The following HS6ST3 variants were observed in gnomAD, a reference collection of about 807,000 sequenced individuals.
HS6ST3 encodes heparan sulfate 6-O-sulfotransferase 3.
HS6ST3 carries 12 observed loss-of-function variants against 36.7 expected under a neutral mutation model. That is an observed-to-expected ratio of 0.33 (90% CI 0.21 to 0.53). The LOEUF (loss-of-function observed/expected upper bound fraction) is 0.53, where lower values mean the gene tolerates loss of function less well. Among genes scored for constraint, HS6ST3 ranks in the 20% least tolerant of loss-of-function variants. The pLI, the probability that HS6ST3 is intolerant of heterozygous loss-of-function variation, is 0.95. For missense variants in HS6ST3, 584 were observed against 640.9 expected (o/e 0.91, Z 0.96); for synonymous variants, 240 against 257.5 (o/e 0.93, Z 0.65).
intron 1 of HS6ST3, among the ~76,000 whole-genome samples, chr13:96,811,435 A>G (rs1448533884): frequency 6.6e-6 from 1 of 152,214 alleles, no homozygotes; most frequent in African/African-American, 2.4e-5. Flanking sequence ...GAATGTCTTG[A>G]GCTCTATGTA....
intron 1 of HS6ST3, among the ~76,000 whole-genome samples, chr13:96,257,715 T>G (rs1365173566): frequency 6.6e-6 from 1 of 152,172 alleles, no homozygotes; most frequent in Non-Finnish European, 1.5e-5. Flanking sequence ...TATAATCAGG[T>G]ACTGATGACA....
intron 1 of HS6ST3, among the ~76,000 whole-genome samples, chr13:96,307,299 T>A (rs2054918513): frequency 6.6e-6 from 1 of 152,114 alleles, no homozygotes; most frequent in African/African-American, 2.4e-5. Context: ...GCATAACATA[T>A]CCTCGAAACA....
intron 1 of HS6ST3, among the ~76,000 whole-genome samples, chr13:96,142,847 T>G (rs1273869916): frequency 6.6e-6 from 1 of 152,160 alleles, no homozygotes; most frequent in Non-Finnish European, 1.5e-5. Context: ...GAACCCATTT[T>G]CAGGGATGTA....
chr13:96,260,639 T>C (rs1287020800), intron 1 of HS6ST3, among the ~76,000 whole-genome samples: 2 of 149,646 alleles, frequency 1.3e-5, no homozygotes, highest in Non-Finnish European at 3.0e-5. Context: ...TCTTTCTTTT[T>C]TTCTTTTCTT....
chr13:96,196,763 G>A (rs976801234), intron 1 of HS6ST3, among the ~76,000 whole-genome samples: 10 of 152,202 alleles, frequency 6.6e-5, no homozygotes, highest in African/African-American at 2.4e-4. Flanking sequence ...ACTCACCAGT[G>A]ACATAGTTGG....
chr13:96,494,403 G>C (rs113054056), intron 1 of HS6ST3, among the ~76,000 whole-genome samples: 1 of 105,482 alleles, frequency 9.5e-6, no homozygotes, highest in African/African-American at 3.6e-5. Context: ...GGGGTGGGGG[G>C]AGGGGGGAGG....
intron 1 of HS6ST3, among the ~76,000 whole-genome samples, chr13:96,633,184 C>G (rs181686994): frequency 4.6e-5 from 7 of 152,232 alleles, no homozygotes; most frequent in African/African-American, 1.4e-4. Flanking sequence ...GACGGTGTTC[C>G]TTGGACTTCG....
chr13:96,230,453 A>G (rs2054502795), intron 1 of HS6ST3, among the ~76,000 whole-genome samples: 1 of 152,162 alleles, frequency 6.6e-6, no homozygotes, highest in Non-Finnish European at 1.5e-5. Context: ...TTGCGGTTCC[A>G]AGTGTAACTA....
chr13:96,679,411 C>T (rs2056710617), intron 1 of HS6ST3, among the ~76,000 whole-genome samples: 1 of 151,920 alleles, frequency 6.6e-6, no homozygotes, highest in Admixed American at 6.6e-5. Flanking sequence ...AGACTGAGAC[C>T]AGGCACTCCT....
At chr13:96,725,850 T>G (rs1296018026) in intron 1 of HS6ST3, among the ~76,000 whole-genome samples, 1 of 152,158 alleles carries the variant, frequency 6.6e-6, no homozygotes, top group Non-Finnish European at 1.5e-5. Flanking sequence ...TTGTTTTTAT[T>G]TTTTTAGACA....
intron 1 of HS6ST3, among the ~76,000 whole-genome samples, chr13:96,752,285 A>G (rs1876719888): frequency 6.6e-6 from 1 of 152,046 alleles, no homozygotes; most frequent in Non-Finnish European, 1.5e-5. Context: ...TAGCATTGCT[A>G]GTACTTGCCG....
In HS6ST3 at chr13:96,291,165, A is replaced by G. The variant is rs549815278; in HGVS notation, c.707+199596A>G. 3.9e-5 allele frequency among the ~76,000 whole-genome samples: 6 copies of G among 152,048 alleles called. No homozygotes were observed. The South Asian group carries it at 1.0e-3, about 26-fold the overall frequency. On this transcript the variant is annotated intron_variant, in intron 1 of 1. Coordinates refer to ENST00000376705, the MANE Select transcript of HS6ST3 (RefSeq NM_153456.4). ...TGTATTTTACTTACTTATTTTTTCT[A>G]TCTTCTGTCTCTCCCATAGAATGTG...
At chr13:96,513,283 C>T (rs554787393) in intron 1 of HS6ST3, among the ~76,000 whole-genome samples, 3 of 151,354 alleles carry the variant, frequency 2.0e-5, no homozygotes, top group East Asian at 1.9e-4. Flanking sequence ...TTTTCTGGGG[C>T]GAGATCTAAA....
At chr13:96,689,234 A>G (rs1874869467) in intron 1 of HS6ST3, among the ~76,000 whole-genome samples, 1 of 152,034 alleles carries the variant, frequency 6.6e-6, no homozygotes, top group South Asian at 2.1e-4. Context: ...TTGGCAAGTT[A>G]TTACTACTCC....
At chr13:96,800,266 G>T (rs1878035604) in intron 1 of HS6ST3, among the ~76,000 whole-genome samples, 1 of 150,842 alleles carries the variant, frequency 6.6e-6, no homozygotes, top group South Asian at 2.1e-4. Context: ...TTATAAAGCT[G>T]CAATTTCACT....
chr13:96,578,988 G>C (rs1003942244), intron 1 of HS6ST3, among the ~76,000 whole-genome samples: 2 of 152,114 alleles, frequency 1.3e-5, no homozygotes, highest in Non-Finnish European at 2.9e-5. Context: ...CATTAAAAGA[G>C]TATGTCTTTG....
intron 1 of HS6ST3, among the ~76,000 whole-genome samples, chr13:96,494,404 AG>A (rs1185160513): frequency 2.0e-5 from 1 of 49,972 alleles, no homozygotes; most frequent in African/African-American, 8.2e-5. Context: ...GGGTGGGGGG[AG>A]GGGGGAGGGA....
At chr13:96,266,906 T>C (rs965469172) in intron 1 of HS6ST3, among the ~76,000 whole-genome samples, 1 of 152,196 alleles carries the variant, frequency 6.6e-6, no homozygotes. Context: ...CTGTATGTTC[T>C]AACCATTTCT....
At chr13:96,737,937 T>C (rs61968177) in intron 1 of HS6ST3, among the ~76,000 whole-genome samples, 6,309 of 152,178 alleles carry the variant, frequency 0.041, 165 homozygotes, top group African/African-American at 0.075. Flanking sequence ...CTCTCTTGCC[T>C]CCCTTCTTCA....
Sources: allele counts gnomAD v4.1 joint callset (sites outside exome capture counted in the v4.1 genomes callset), GRCh38; gene constraint gnomAD v4.1.1; transcripts MANE v1.5; gene names NCBI Gene and HGNC (gene_info 2026-07-23, HGNC 2026-07-21).